Variants in NF2 observed in about 807,000 individuals in gnomAD.
The protein encoded by NF2 is NF2, moesin-ezrin-radixin like (MERLIN) tumor suppressor.
In NF2, 8 loss-of-function variants were observed where a neutral mutation model predicts 83.7. The observed-to-expected ratio is 0.10, with a 90% CI of 0.06 to 0.17. The LOEUF (loss-of-function observed/expected upper bound fraction) is 0.17. NF2 is among the 10% of genes least tolerant of loss of function. The probability of loss-of-function intolerance (pLI) is 1.00; values close to 1 mark genes in which losing one functional copy is unlikely to be tolerated. For missense variants in NF2, 533 were observed against 744.4 expected (o/e 0.72, Z 3.31); for synonymous variants, 266 against 269.6 (o/e 0.99, Z 0.13).
At chr22:29,683,374 A>G (rs1052222927) in intron 15 of NF2, 4 of 1,351,740 alleles carry the variant, frequency 3.0e-6, no homozygotes, top group Non-Finnish European at 2.9e-6. Context: ...TTGTCCAGTC[A>G]GGTGTGTCTA....
Position 29,697,880 on chromosome 22 carries a change from T to G in NF2, c.*3078T>G, listed in dbSNP as rs117601743. The G allele has an allele frequency of 1.8e-4, 37 of 204,842 alleles. No homozygotes were observed. In the East Asian group the frequency reaches 2.7e-3, roughly 15 times the overall value. The allele number at this position is 204,842 out of a possible 1,614,324, so 12.7% of individuals were successfully genotyped here. A position where few individuals can be genotyped will look rare whatever the true frequency, so the allele number is the denominator to read the frequency against. ...CGCGCTTGGCCAGACTGCGTCCTTT[T>G]TAAGCGAACATTTTAGGGCCTGGGA... On this transcript the variant is annotated 3_prime_UTR_variant, in exon 16 of 16. Transcript: ENST00000338641.
At position 29,606,011 on chromosome 22, in the gene NF2, A is replaced by G. The variant is rs550646228; in HGVS notation, c.114+1899A>G. The stretch of plus-strand genomic sequence containing the variant: ...CTCTTGTTGCTCAAACTGGAGTGCA[A>G]TGGTGTGATCTCGCCTCACCGCAGC... On this transcript the variant is annotated intron_variant, in intron 1 of 15. Transcript: ENST00000338641. 3.9e-5 allele frequency among the ~76,000 whole-genome samples: 6 copies of G among 152,186 alleles called. No homozygotes were observed. In the East Asian group the frequency reaches 1.2e-3, roughly 29 times the overall value.
chr22:29,689,177 CAAAAAAAAAA>C (rs140087), intron 15 of NF2, among the ~76,000 whole-genome samples: 4 of 89,290 alleles, frequency 4.5e-5, no homozygotes, highest in Non-Finnish European at 6.4e-5. Flanking sequence ...GACTCCGTCT[CAAAAAAAAAA>C]AAAAAAAAAA....
intron 1 of NF2, among the ~76,000 whole-genome samples, chr22:29,626,539 A>G (rs188194770): frequency 1.3e-4 from 20 of 152,316 alleles, no homozygotes; most frequent in Non-Finnish European, 2.1e-4. Context: ...ATTGATGACC[A>G]TGAGACTTAA....
chr22:29,639,325 C>T, intron 3 of NF2, 113 bp downstream of exon 3: 1 of 1,340,528 alleles, frequency 7.5e-7, no homozygotes, highest in East Asian at 2.3e-5. Flanking sequence ...TATTCTACCT[C>T]TGGAAGGTCA....
intron 15 of NF2, among the ~76,000 whole-genome samples, chr22:29,685,600 A>C (rs573997176): frequency 2.3e-4 from 33 of 145,576 alleles, no homozygotes; most frequent in African/African-American, 7.9e-4. Flanking sequence ...TTTTGTAAAG[A>C]TGGGTTTCGC....
intron 11 of NF2, 131 bp from the exon 12 acceptor site, chr22:29,673,138 C>A: frequency 1.0e-6 from 1 of 978,426 alleles, no homozygotes; most frequent in Non-Finnish European, 1.6e-6. Context: ...GTCAGAGGGT[C>A]ATGGAGGGCA....
At chr22:29,659,133 G>A (rs1320722489) in intron 7 of NF2, among the ~76,000 whole-genome samples, 2 of 152,154 alleles carry the variant, frequency 1.3e-5, no homozygotes, top group Non-Finnish European at 2.9e-5. Flanking sequence ...CACACTTAAA[G>A]TGCCTAAAAG....
At chr22:29,639,242 T>C (rs2146873856) in intron 3 of NF2, 30 bp downstream of exon 3, 1 of 1,613,604 alleles carries the variant, frequency 6.2e-7, no homozygotes, top group Non-Finnish European at 8.5e-7. Flanking sequence ...CCCCCAGTTC[T>C]GAGAGAACTT....
At chr22:29,643,990 C>T (rs8014189) in intron 4 of NF2, among the ~76,000 whole-genome samples, 9 of 150,860 alleles carry the variant, frequency 6.0e-5, no homozygotes, top group Admixed American at 6.6e-5. Context: ...ACCTCCCTCC[C>T]GGACGGGGCG....
Position 29,694,670 on chromosome 22 carries a change from T to G in NF2, c.1738-82T>G. 5 of 1,432,616 alleles carry G rather than the reference T, an allele frequency of 3.5e-6. No individual in the cohort carries two copies. The highest frequency in any genetic ancestry group is 4.9e-6 in the Non-Finnish European group (5 of 1,028,810). The allele number at this position is 1,432,616 out of a possible 1,614,324, so 88.7% of individuals were successfully genotyped here. ...CTTTCGCTCCCAGCCACCTTTGAGG[T>G]GAGTCCAAGTGGCAGGACAGGACCC... On this transcript the variant is annotated intron_variant, in intron 15 of 15. Transcript: ENST00000338641. This position sits in a 1 kb window ranked among gnomAD's most constrained non-coding sequence, Gnocchi z 4.1.
intron 1 of NF2, among the ~76,000 whole-genome samples, chr22:29,612,732 G>A (rs1030984810): frequency 6.6e-6 from 1 of 150,886 alleles, no homozygotes. Context: ...TGTCAAATTG[G>A]CAGTATTTTG....
At chr22:29,620,871 G>T (rs1403748261) in intron 1 of NF2, among the ~76,000 whole-genome samples, 1 of 152,120 alleles carries the variant, frequency 6.6e-6, no homozygotes, top group African/African-American at 2.4e-5. Context: ...TGATTTACTG[G>T]GTGCCCACGT....
chr22:29,685,893 TA>T (rs1423430337), intron 15 of NF2, among the ~76,000 whole-genome samples: 2 of 152,096 alleles, frequency 1.3e-5, no homozygotes, highest in Non-Finnish European at 2.9e-5. Flanking sequence ...CCAGTCTGAT[TA>T]ACCGAGGTTC....
At chr22:29,655,252 A>T (rs1021235607) in intron 5 of NF2, among the ~76,000 whole-genome samples, 1 of 152,052 alleles carries the variant, frequency 6.6e-6, no homozygotes, top group African/African-American at 2.4e-5. Flanking sequence ...CTGTCCCTCG[A>T]TGGCTTCTGA....
At chr22:29,638,943 T>C in intron 2 of NF2, 147 bp from the exon 3 acceptor site, 1 of 1,210,640 alleles carries the variant, frequency 8.3e-7, no homozygotes, top group East Asian at 2.5e-5. Context: ...TTGTGAATAC[T>C]TCAAACTGTA....
intron 4 of NF2, among the ~76,000 whole-genome samples, chr22:29,647,498 T>G (rs1216903515): frequency 1.3e-5 from 2 of 152,094 alleles, no homozygotes; most frequent in Non-Finnish European, 2.9e-5. Flanking sequence ...CAGATTGGAG[T>G]GAGACAACTT....
At chr22:29,649,956 C>T (rs2066097612) in intron 4 of NF2, among the ~76,000 whole-genome samples, 2 of 152,204 alleles carry the variant, frequency 1.3e-5, no homozygotes, top group South Asian at 4.1e-4. Flanking sequence ...GTGATTATTT[C>T]ACATTGCACA....
At chr22:29,613,920 G>A (rs1379862803) in intron 1 of NF2, among the ~76,000 whole-genome samples, 1 of 150,966 alleles carries the variant, frequency 6.6e-6, no homozygotes, top group East Asian at 2.0e-4. Flanking sequence ...CACAACGCCC[G>A]GCTAATTTTT....
Sources: gnomAD v4.1 joint callset for allele counts (sites outside exome capture counted in the v4.1 genomes callset) on GRCh38, gnomAD v4.1.1 for gene constraint, Gnocchi (gnomAD v3.1) non-coding constraint, MANE v1.5 for transcripts, NCBI Gene and HGNC (gene_info 2026-07-23, HGNC 2026-07-21) for gene names.